Variants in AKAP10 observed in about 807,000 individuals in gnomAD.
AKAP10 encodes A-kinase anchoring protein 10.
In AKAP10, 24 loss-of-function variants were observed where a neutral mutation model predicts 80.8. That is an observed-to-expected ratio of 0.30 (90% CI 0.22 to 0.42). AKAP10 has a LOEUF of 0.42. Among genes scored for constraint, AKAP10 ranks in the 10% least tolerant of loss-of-function variants. The pLI is 1.00. For synonymous variants in AKAP10, 291 were observed against 277.7 expected, an observed-to-expected ratio of 1.05 and a Z score of -0.48; for missense variants, 661 against 794.9, an observed-to-expected ratio of 0.83 and a Z score of 2.03.
At chr17:19,955,269 C>T (rs1043116449) in intron 4 of AKAP10, among the ~76,000 whole-genome samples, 5 of 151,772 alleles carry the variant, frequency 3.3e-5, no homozygotes, top group African/African-American at 7.3e-5. Flanking sequence ...GCTATTGAGA[C>T]GGAGAAAGAT....
At chr17:19,957,142 G>GA (rs532046160) in intron 4 of AKAP10, among the ~76,000 whole-genome samples, 236 of 150,090 alleles carry the variant, frequency 1.6e-3, no homozygotes, top group Middle Eastern at 3.4e-3. Context: ...TAATAGAGAA[G>GA]AAAAAAAAAC....
chr17:19,962,709 T>C, intron 3 of AKAP10, 131 bp downstream of exon 3: 1 of 920,048 alleles, frequency 1.1e-6, no homozygotes, highest in South Asian at 2.0e-5. Context: ...ATTATACTTG[T>C]AGCTGTTATT....
chr17:19,936,313 T>A lies in AKAP10; in HGVS notation c.1440A>T (p.Leu480Phe). The A allele has an allele frequency of 6.2e-7, 1 of 1,613,868 alleles. No individual in the cohort carries two copies. Among genetic ancestry groups the A allele is most frequent in the Non-Finnish European group, 8.5e-7 (1 of 1,179,858 alleles). ...GPLPNCFTTP[L>F]RQAWTTMEKV... ...TCTCCATGGTTGTCCAGGCCTGACG[T>A]AATGGAGTTGTGAAACAGTTGGGGA... Residue 480 changes from leucine to phenylalanine, a missense_variant, in exon 9 of 15, where the codon TTA (leucine) becomes TTT (phenylalanine). Leu to Phe is a conservative substitution (Grantham distance 22, BLOSUM62 0). Coordinates refer to ENST00000225737, the MANE Select transcript of AKAP10 (RefSeq NM_007202.4).
intron 5 of AKAP10, among the ~76,000 whole-genome samples, chr17:19,944,798 G>A (rs561837618): frequency 6.6e-6 from 1 of 152,212 alleles, no homozygotes; most frequent in African/African-American, 2.4e-5. Context: ...AACATTTGTG[G>A]AAGATGAAGG....
rs1023772542 is a variant in AKAP10 at position 19,942,691 on chromosome 17, G to A, written c.977-781C>T. Among the ~76,000 whole-genome samples, 11 of 152,206 alleles carry A rather than the reference G, an allele frequency of 7.2e-5. No individual in the cohort carries two copies. The East Asian group carries it at 1.7e-3, about 24-fold the overall frequency. ...AGGAACTGCTAAAATAAACTGCAGC[G>A]AAACAATTAGCTATTTAGCTAGCTG... On this transcript the variant is annotated intron_variant, in intron 5 of 14. Transcript: ENST00000225737.
At chr17:19,950,625 G>A (rs2043190680) in intron 4 of AKAP10, among the ~76,000 whole-genome samples, 1 of 152,258 alleles carries the variant, frequency 6.6e-6, no homozygotes, top group African/African-American at 2.4e-5. Context: ...ATGTTGCCCA[G>A]GCTGGAGTGC....
At position 19,917,695 on chromosome 17, in the gene AKAP10, G is replaced by A. The variant is rs886391201; in HGVS notation, c.1834+2341C>T. On this transcript the variant is annotated intron_variant, in intron 12 of 14. Coordinates refer to ENST00000225737, the MANE Select transcript of AKAP10 (RefSeq NM_007202.4). ...CACGCCTGTAAGCCCAGTACTTTGG[G>A]AGGCCAAGGTGGGCGGATCACTTGA... 4.6e-5 allele frequency among the ~76,000 whole-genome samples: 7 copies of A among 152,230 alleles called. No homozygotes were observed. The Middle Eastern group carries it at 0.01, about 222-fold the overall frequency.
chr17:19,932,942 A>C (rs905026285), intron 9 of AKAP10, among the ~76,000 whole-genome samples: 1 of 152,182 alleles, frequency 6.6e-6, no homozygotes, highest in African/African-American at 2.4e-5. Flanking sequence ...TAACTGGACA[A>C]GCAAATAATA....
intron 10 of AKAP10, among the ~76,000 whole-genome samples, chr17:19,930,917 G>A (rs1415589211): frequency 1.3e-5 from 2 of 152,006 alleles, no homozygotes; most frequent in Admixed American, 6.6e-5. Context: ...CACCACGTTG[G>A]CCAGGCTGGT....
intron 11 of AKAP10, among the ~76,000 whole-genome samples, chr17:19,923,117 G>GC (rs1255547122): frequency 6.6e-6 from 1 of 151,734 alleles, no homozygotes; most frequent in Non-Finnish European, 1.5e-5. Flanking sequence ...TTACTCTGTC[G>GC]CGCAGGCTGC....
chr17:19,927,476 C>T (rs2152412265), intron 10 of AKAP10, among the ~76,000 whole-genome samples: 1 of 152,232 alleles, frequency 6.6e-6, no homozygotes, highest in Admixed American at 6.5e-5. Flanking sequence ...ACTCCTGAAA[C>T]TCAATATAAA....
In AKAP10 at chr17:19,943,367, C is replaced by A. The variant is rs774560384; in HGVS notation, c.977-1457G>T. 1.1e-4 allele frequency among the ~76,000 whole-genome samples: 16 copies of A among 152,136 alleles called. 1 individual carries two copies. Among genetic ancestry groups the A allele is most frequent in the Non-Finnish European group, 1.9e-4 (13 of 68,016 alleles). ...CTTTCAGCCCTACCCACCAACCTCC[C>A]GGGATGAGGGGGCTGAAGGTTGAGC... On this transcript the variant is annotated intron_variant, in intron 5 of 14. Coordinates refer to ENST00000225737, the MANE Select transcript of AKAP10 (RefSeq NM_007202.4).
intron 1 of AKAP10, among the ~76,000 whole-genome samples, chr17:19,969,045 G>A (rs8071670): frequency 0.068 from 10,275 of 152,162 alleles, 1,028 homozygotes; most frequent in African/African-American, 0.22. Context: ...AACACTCAGA[G>A]TATAATAATT....
At chr17:19,929,999 C>CAAAAAA (rs11365343) in intron 10 of AKAP10, among the ~76,000 whole-genome samples, 2 of 81,844 alleles carry the variant, frequency 2.4e-5, no homozygotes, top group Non-Finnish European at 2.6e-5. Context: ...CAACAAAAAC[C>CAAAAAA]AAAAAAAAAA....
chr17:19,942,820 G>A (rs7217032), intron 5 of AKAP10, among the ~76,000 whole-genome samples: 117 of 151,920 alleles, frequency 7.7e-4, no homozygotes, highest in African/African-American at 2.7e-3. Context: ...CTAGTGTCCT[G>A]GTCTGTTTAC....
intron 5 of AKAP10, among the ~76,000 whole-genome samples, chr17:19,946,269 A>ATTTTTT (rs1391072253): frequency 3.8e-5 from 1 of 26,042 alleles, no homozygotes; most frequent in African/African-American, 1.7e-4. Flanking sequence ...ATATATATAT[A>ATTTTTT]TATATATTTT....
Position 19,907,298 on chromosome 17 carries a change from C to T in AKAP10, c.1984-1066G>A, listed in dbSNP as rs1000866236. ...CCCCACAAAGTGCTGGGATTATAGA[C>T]GTGAGCTACCACGCCCGGCCCCCAT... On this transcript the variant is annotated intron_variant, in intron 14 of 14. Coordinates refer to ENST00000225737, the MANE Select transcript of AKAP10 (RefSeq NM_007202.4). Among the ~76,000 whole-genome samples the T allele has an allele frequency of 4.6e-5, 7 of 152,202 alleles. No individual in the cohort carries two copies. The East Asian group carries it at 1.4e-3, about 29-fold the overall frequency.
intron 5 of AKAP10, among the ~76,000 whole-genome samples, chr17:19,946,237 T>TATTTTATATA (rs1491288818): frequency 6.6e-5 from 1 of 15,184 alleles, no homozygotes; most frequent in East Asian, 2.9e-3. Context: ...TATATATATA[T>TATTTTATATA]TATATATATA....
rs180911023 is a variant in AKAP10, at chr17:19,970,915, T to C, written c.89-2454A>G. The stretch of plus-strand genomic sequence containing the variant: ...CATACAAATACTTTTTATTTTTATT[T>C]TTTTGAGACACGGTCTTGCTTTGTT... On this transcript the variant is annotated intron_variant, in intron 1 of 14. Coordinates refer to ENST00000225737, the MANE Select transcript of AKAP10 (RefSeq NM_007202.4). Among the ~76,000 whole-genome samples the C allele has an allele frequency of 3.9e-5, 6 of 152,258 alleles. No individual in the cohort carries two copies. In the East Asian group the frequency reaches 1.2e-3, roughly 30 times the overall value.
Sources: gnomAD v4.1 joint callset for allele counts (sites outside exome capture counted in the v4.1 genomes callset) on GRCh38, gnomAD v4.1.1 for gene constraint, MANE v1.5 for transcripts, NCBI Gene and HGNC (gene_info 2026-07-23, HGNC 2026-07-21) for gene names.